GREM2: variants seen among roughly 807,000 people sequenced by gnomAD.
The protein encoded by GREM2 is gremlin 2, DAN family BMP antagonist, also known as gremlin-2.
In GREM2, 11 loss-of-function variants were observed where a neutral mutation model predicts 14.2. That is an observed-to-expected ratio of 0.78 (90% CI 0.49 to 1.28). The LOEUF (loss-of-function observed/expected upper bound fraction) is 1.28, where lower values mean the gene tolerates loss of function less well. Ranked by LOEUF, GREM2 falls within the 50% of genes most tolerant of loss-of-function variation. The pLI is 0.00. For missense variants in GREM2, 210 were observed against 218.5 expected (o/e 0.96, Z 0.24); for synonymous variants, 98 against 97.6 (o/e 1.00, Z -0.02).
At chr1:240,534,229 C>A (rs1269020040) in intron 1 of GREM2, among the ~76,000 whole-genome samples, 1 of 152,058 alleles carries the variant, frequency 6.6e-6, no homozygotes, top group Non-Finnish European at 1.5e-5. Flanking sequence ...ATAGAGCATA[C>A]AAAATGTGAG....
chr1:240,521,328 GC>G (rs1572379280), intron 1 of GREM2, among the ~76,000 whole-genome samples: 10 of 152,142 alleles, frequency 6.6e-5, no homozygotes, highest in Admixed American at 5.2e-4. Context: ...CAGCACTTTA[GC>G]AGGCCGAAGT....
At chr1:240,608,451 G>C (rs564564055) in intron 1 of GREM2, among the ~76,000 whole-genome samples, 1 of 152,058 alleles carries the variant, frequency 6.6e-6, no homozygotes, top group African/African-American at 2.4e-5. Context: ...CATTATCCAG[G>C]GTTCGTGTTA....
intron 1 of GREM2, among the ~76,000 whole-genome samples, chr1:240,505,618 T>C (rs1677659614): frequency 6.6e-6 from 1 of 152,056 alleles, no homozygotes; most frequent in Admixed American, 6.6e-5. Context: ...CAAATACTGT[T>C]CTTCACTCTA....
In GREM2 at chr1:240,493,375, T is replaced by C; in HGVS notation, c.101A>G (p.Tyr34Cys). The change falls in exon 2 of 2, where the codon TAC (tyrosine) becomes TGC (cysteine). Residue 34 changes from tyrosine to cysteine, a missense_variant. Tyr to Cys is a radical substitution (Grantham distance 194). Transcript: ENST00000318160. ...CGAGTTGTTGCTGCTGCCGTCCTTG[T>C]AAGGCGAGGGGATGGCGCCCGCCGG... Reference protein sequence around the residue: ...NRPAGAIPSPYKDGSSNNSER... With the variant: ...NRPAGAIPSPCKDGSSNNSER... 6.2e-7 allele frequency: 1 copy of C among 1,613,816 alleles called. No individual in the cohort carries two copies. The highest frequency in any genetic ancestry group is 8.5e-7 in the Non-Finnish European group (1 of 1,179,998).
chr1:240,521,438 A>G (rs79924113), intron 1 of GREM2, among the ~76,000 whole-genome samples: 2,945 of 117,762 alleles, frequency 0.025, 44 homozygotes, highest in African/African-American at 0.053. Flanking sequence ...GGGCATGGTG[A>G]GGGGCGACTG....
At chr1:240,565,922 T>G (rs1679170516) in intron 1 of GREM2, among the ~76,000 whole-genome samples, 1 of 152,024 alleles carries the variant, frequency 6.6e-6, no homozygotes, top group African/African-American at 2.4e-5. Flanking sequence ...ACTCAATTAT[T>G]TTACAGTTTA....
chr1:240,596,820 G>A (rs1262379210), intron 1 of GREM2, among the ~76,000 whole-genome samples: 3 of 152,102 alleles, frequency 2.0e-5, no homozygotes, highest in African/African-American at 4.8e-5. Context: ...CGTTAGTCAC[G>A]TAGATGTACC....
intron 1 of GREM2, among the ~76,000 whole-genome samples, chr1:240,503,309 C>T (rs915882376): frequency 3.3e-5 from 5 of 152,164 alleles, no homozygotes; most frequent in African/African-American, 9.7e-5. Flanking sequence ...TTCTTTCATT[C>T]CTCACTTCTT....
At chr1:240,493,702 ATT>A (rs138151479) in intron 1 of GREM2, among the ~76,000 whole-genome samples, 1 of 150,586 alleles carries the variant, frequency 6.6e-6, no homozygotes, top group Non-Finnish European at 1.5e-5. Flanking sequence ...CTTTCTTTTT[ATT>A]TTTTTTTGTA....
intron 1 of GREM2, among the ~76,000 whole-genome samples, chr1:240,495,929 T>TTTTTG (rs150580259): frequency 6.7e-6 from 1 of 148,546 alleles, no homozygotes; most frequent in South Asian, 2.1e-4. Flanking sequence ...GGCAAAGGTT[T>TTTTTG]TTTTTGTTTT....
Position 240,492,110 on chromosome 1 carries a change from T to A in GREM2, c.*859A>T. 1 of 279,916 alleles carries A rather than the reference T, an allele frequency of 3.6e-6. No individual in the cohort carries two copies. 17.3% of individuals were successfully genotyped at this position (279,916 alleles called of 1,614,324 possible). On this transcript the variant is annotated 3_prime_UTR_variant, in exon 2 of 2. Coordinates refer to ENST00000318160, the MANE Select transcript of GREM2 (RefSeq NM_022469.4). ...CAAAACATGTGAAATAATACATGAATAGGTCTATAATACTTTTTAACAGCT... is the reference window on the plus strand; with the variant it reads ...CAAAACATGTGAAATAATACATGAAAAGGTCTATAATACTTTTTAACAGCT...
intron 1 of GREM2, among the ~76,000 whole-genome samples, chr1:240,606,474 A>G (rs957438574): frequency 1.3e-5 from 2 of 152,168 alleles, no homozygotes; most frequent in Non-Finnish European, 2.9e-5. Flanking sequence ...ATAATACCCA[A>G]CAAACACCAC....
intron 1 of GREM2, among the ~76,000 whole-genome samples, chr1:240,503,759 G>A (rs759234161): frequency 1.3e-5 from 2 of 152,102 alleles, no homozygotes; most frequent in African/African-American, 4.8e-5. Context: ...TTTCCTTTGT[G>A]AAACCATACA....
chr1:240,521,327 A>G (rs10926290), intron 1 of GREM2, among the ~76,000 whole-genome samples: 49,756 of 151,906 alleles, frequency 0.33, 8,442 homozygotes, highest in Middle Eastern at 0.5. Context: ...CCAGCACTTT[A>G]GCAGGCCGAA....
At chr1:240,502,450 T>C (rs942887994) in intron 1 of GREM2, among the ~76,000 whole-genome samples, 12 of 152,172 alleles carry the variant, frequency 7.9e-5, no homozygotes, top group Non-Finnish European at 1.2e-4. Context: ...AAGGTTGGTG[T>C]TCCCCAAGAA....
At chr1:240,521,544 C>A (rs1205872098) in intron 1 of GREM2, among the ~76,000 whole-genome samples, 1 of 151,976 alleles carries the variant, frequency 6.6e-6, no homozygotes, top group Non-Finnish European at 1.5e-5. Context: ...GCACTCCAGC[C>A]TGGGCGACAG....
At chr1:240,608,938 G>A (rs994716138) in intron 1 of GREM2, among the ~76,000 whole-genome samples, 16 of 152,152 alleles carry the variant, frequency 1.1e-4, no homozygotes, top group African/African-American at 3.9e-4. Context: ...CTCCTGGCCT[G>A]TATAGACAGG....
intron 1 of GREM2, among the ~76,000 whole-genome samples, chr1:240,569,918 A>AC (rs1362638617): frequency 9.7e-6 from 1 of 102,624 alleles, no homozygotes; most frequent in Non-Finnish European, 1.8e-5. Flanking sequence ...ATACTTCACT[A>AC]AAATTTTTTT....
At chr1:240,504,203 T>C (rs1210157371) in intron 1 of GREM2, among the ~76,000 whole-genome samples, 1 of 152,138 alleles carries the variant, frequency 6.6e-6, no homozygotes, top group Non-Finnish European at 1.5e-5. Flanking sequence ...AAAAAAACTG[T>C]TCAGTACTAA....
Sources: allele counts gnomAD v4.1 joint callset (sites outside exome capture counted in the v4.1 genomes callset), GRCh38; gene constraint gnomAD v4.1.1; transcripts MANE v1.5; gene names NCBI Gene and HGNC (gene_info 2026-07-23, HGNC 2026-07-21).